USP26: variants seen among roughly 807,000 people sequenced by gnomAD.
USP26 encodes ubiquitin carboxyl-terminal hydrolase 26.
For synonymous variants in USP26, 236 were observed against 240.6 expected, an observed-to-expected ratio of 0.98 and a Z score of 0.18; for missense variants, 649 against 642.3, an observed-to-expected ratio of 1.01 and a Z score of -0.11.
intron 5 of USP26, among the ~76,000 whole-genome samples, chrX:133,069,351 C>G (rs1438054905): frequency 4.5e-5 from 5 of 111,015 alleles, no homozygotes; most frequent in African/African-American, 1.6e-4. Context: ...GGATTAGAAA[C>G]AAAAACTTCT....
chrX:133,080,913 T>C (rs774201450), intron 5 of USP26, among the ~76,000 whole-genome samples: 2 of 111,701 alleles, frequency 1.8e-5, no homozygotes, highest in Non-Finnish European at 3.8e-5. Flanking sequence ...GAGGCAAAGG[T>C]GTTTAGAAAG....
At chrX:133,052,868 G>T (rs1264965998) in intron 5 of USP26, among the ~76,000 whole-genome samples, 1 of 111,653 alleles carries the variant, frequency 9.0e-6, no homozygotes, top group Non-Finnish European at 1.9e-5. Flanking sequence ...TGTAGATGGG[G>T]AGGGGGGTGA....
intron 4 of USP26, 142 bp downstream of exon 4, chrX:133,089,963 GAAAATAAA>G (rs1477833233): frequency 8.9e-6 from 1 of 111,939 alleles, no homozygotes; most frequent in Non-Finnish European, 1.9e-5. Flanking sequence ...CCACTCTACA[GAAAATAAA>G]AAATTAGCTG....
chrX:133,094,410 C>G (rs1042203444), intron 1 of USP26, among the ~76,000 whole-genome samples: 8 of 100,531 alleles, frequency 8.0e-5, no homozygotes, highest in Admixed American at 7.7e-4. Context: ...AAATAGAAAC[C>G]TTTTTTTTTT....
chrX:133,082,030 C>T (rs905922086), intron 5 of USP26, among the ~76,000 whole-genome samples: 9 of 111,674 alleles, frequency 8.1e-5, no homozygotes, highest in Admixed American at 1.9e-4. Context: ...GGCCACATAA[C>T]GAAAGTCCCA....
intron 3 of USP26, 148 bp from the exon 4 acceptor site, chrX:133,090,374 G>A (rs1291818382): frequency 8.9e-6 from 1 of 112,656 alleles, no homozygotes; most frequent in Non-Finnish European, 1.9e-5. Context: ...CTCTACAGAT[G>A]TTATTAATAA....
Position 133,023,633 on chromosome X carries a change from G to A in USP26, c.*1846C>T, listed in dbSNP as rs2067333555. Among the ~76,000 whole-genome samples the A allele has an allele frequency of 9.0e-6, 1 of 111,542 alleles. No homozygotes were observed. The highest frequency in any genetic ancestry group is 1.9e-5 in the Non-Finnish European group (1 of 53,112). ...GTGTCTGTAACACCTTCTTCCCTAA[G>A]AGTGATCAATTCAATCTATGATATT... On this transcript the variant is annotated 3_prime_UTR_variant, in exon 6 of 6. Coordinates refer to ENST00000511190, the MANE Select transcript of USP26 (RefSeq NM_031907.3).
At chrX:133,049,255 A>T (rs937355302) in intron 5 of USP26, among the ~76,000 whole-genome samples, 6 of 112,166 alleles carry the variant, frequency 5.3e-5, no homozygotes. Flanking sequence ...GTCACAAAAA[A>T]AACTTGTTCA....
intron 5 of USP26, among the ~76,000 whole-genome samples, chrX:133,060,030 C>T (rs939241424): frequency 1.8e-5 from 2 of 111,574 alleles, no homozygotes; most frequent in Non-Finnish European, 3.8e-5. Context: ...CAAATCCTTC[C>T]CTGCAACCCA....
At chrX:133,092,971 G>A (rs957448894) in intron 1 of USP26, among the ~76,000 whole-genome samples, 5 of 111,879 alleles carry the variant, frequency 4.5e-5, no homozygotes, top group Non-Finnish European at 9.4e-5. Flanking sequence ...GAATAAACCA[G>A]GCTAGGCCAG....
chrX:133,038,310 AT>A (rs1382320116), intron 5 of USP26, among the ~76,000 whole-genome samples: 1 of 111,547 alleles, frequency 9.0e-6, no homozygotes, highest in Non-Finnish European at 1.9e-5. Context: ...TTGTCAATAA[AT>A]AGCTCTTATT....
intron 5 of USP26, among the ~76,000 whole-genome samples, chrX:133,056,433 C>T (rs1569510394): frequency 9.0e-6 from 1 of 111,126 alleles, no homozygotes; most frequent in East Asian, 2.8e-4. Flanking sequence ...TTCTGAAAAC[C>T]CAAAGCTAGA....
At position 133,027,259 on chromosome X, in the gene USP26, T is replaced by C; in HGVS notation, c.962A>G (p.Asp321Gly). Residue 321 changes from aspartate to glycine, a missense_variant, in exon 6 of 6, where the codon GAT becomes GGT. Physicochemically the swap from Asp to Gly is moderately conservative, Grantham distance 94. Transcript: ENST00000511190. ...TGGGAAACTCTGATTAAGTAAATCA[T>C]CAGCAAACGATGGGATTGAAAGTAG... ...QSLLSIPSFA[D>G]DLLNQSFPWG... 8.3e-7 allele frequency: 1 copy of C among 1,211,462 alleles called. No individual in the cohort carries two copies. The highest frequency in any genetic ancestry group is 1.1e-6 in the Non-Finnish European group (1 of 895,276).
At chrX:133,029,156 T>G (rs191686065) in intron 5 of USP26, among the ~76,000 whole-genome samples, 270 of 112,446 alleles carry the variant, frequency 2.4e-3, no homozygotes, top group African/African-American at 7.9e-3. Flanking sequence ...CAGACAGCAC[T>G]ACAAATGTTT....
intron 4 of USP26, among the ~76,000 whole-genome samples, chrX:133,089,079 T>C (rs1489229245): frequency 9.1e-6 from 1 of 110,224 alleles, no homozygotes; most frequent in Admixed American, 9.8e-5. Flanking sequence ...GAAATGTCAA[T>C]GTGCTATGTA....
intron 1 of USP26, among the ~76,000 whole-genome samples, chrX:133,093,683 T>A (rs2067615953): frequency 1.8e-5 from 2 of 109,753 alleles, no homozygotes; most frequent in East Asian, 2.9e-4. Flanking sequence ...ACAGATAATG[T>A]CAAAAAAGAA....
At chrX:133,037,204 T>A (rs2067399122) in intron 5 of USP26, among the ~76,000 whole-genome samples, 1 of 112,325 alleles carries the variant, frequency 8.9e-6, no homozygotes, top group Admixed American at 9.4e-5. Context: ...CAATTTTGGC[T>A]TTTGTTGCAA....
chrX:133,073,903 C>T (rs902431082), intron 5 of USP26, among the ~76,000 whole-genome samples: 9 of 110,988 alleles, frequency 8.1e-5, no homozygotes, highest in African/African-American at 3.0e-4. Flanking sequence ...GACCTAGTCC[C>T]ATATCTGGCC....
chrX:133,090,938 A>AT (rs1273163250), intron 2 of USP26, among the ~76,000 whole-genome samples, 175 bp from the exon 3 acceptor site: 2 of 112,217 alleles, frequency 1.8e-5, no homozygotes, highest in Non-Finnish European at 3.8e-5. Context: ...CAAACCCCAA[A>AT]TCTTTGTCCC....
Sources: gnomAD v4.1 joint callset for allele counts (sites outside exome capture counted in the v4.1 genomes callset) on GRCh38, gnomAD v4.1.1 for gene constraint, MANE v1.5 for transcripts, NCBI Gene and HGNC (gene_info 2026-07-23, HGNC 2026-07-21) for gene names.